Variants in ESR1 observed in about 807,000 individuals in gnomAD.
ESR1 encodes estrogen receptor 1, also known as estrogen receptor.
In ESR1, 12 loss-of-function variants were observed where a neutral mutation model predicts 52.7. The ratio of observed to expected loss-of-function variants is 0.23; its 90% CI spans 0.15 to 0.37. The LOEUF is 0.37. Among genes scored for constraint, ESR1 ranks in the 10% least tolerant of loss-of-function variants. The pLI is 1.00. For missense variants in ESR1, 584 were observed against 779.7 expected (o/e 0.75, Z 2.99); for synonymous variants, 305 against 316.8 (o/e 0.96, Z 0.39).
At chr6:151,964,875 C>T (rs938157723) in intron 4 of ESR1, among the ~76,000 whole-genome samples, 2 of 152,146 alleles carry the variant, frequency 1.3e-5, no homozygotes, top group African/African-American at 4.8e-5. Flanking sequence ...ATCTCCTGAC[C>T]TCGTGATCCA....
chr6:152,089,438 A>G (rs1012915823), intron 6 of ESR1, among the ~76,000 whole-genome samples: 1 of 152,232 alleles, frequency 6.6e-6, no homozygotes, highest in African/African-American at 2.4e-5. Context: ...AGCTGACATA[A>G]TACATTCAAT....
chr6:151,734,745 C>T (rs988615890), intron 2 of ESR1, among the ~76,000 whole-genome samples: 5 of 152,094 alleles, frequency 3.3e-5, no homozygotes, highest in African/African-American at 1.2e-4. Flanking sequence ...GCCTCAGCCT[C>T]CCGAGTAGCT....
At chr6:151,850,522 G>A (rs956708870) in intron 2 of ESR1, among the ~76,000 whole-genome samples, 1 of 151,874 alleles carries the variant, frequency 6.6e-6, no homozygotes, top group Non-Finnish European at 1.5e-5. Flanking sequence ...AAGATTGCTG[G>A]TGCCTAGGAA....
chr6:151,693,328 C>T (rs926919867), intron 1 of ESR1, among the ~76,000 whole-genome samples: 1 of 152,160 alleles, frequency 6.6e-6, no homozygotes. Flanking sequence ...GAAACTTGAT[C>T]TAAAAAGCAA....
At chr6:152,115,582 G>T (rs2051201021) in intron 6 of ESR1, among the ~76,000 whole-genome samples, 1 of 152,114 alleles carries the variant, frequency 6.6e-6, no homozygotes, top group African/African-American at 2.4e-5. Context: ...AAAAGAACCT[G>T]CCAGGTTTGA....
intron 6 of ESR1, among the ~76,000 whole-genome samples, chr6:152,084,704 G>GAAAA (rs34421368): frequency 3.3e-5 from 4 of 122,756 alleles, no homozygotes; most frequent in African/African-American, 1.1e-4. Context: ...GCTTTTAATT[G>GAAAA]AAAAAAAAAA....
chr6:151,725,014 C>A (rs192878126), intron 2 of ESR1, among the ~76,000 whole-genome samples: 2 of 152,264 alleles, frequency 1.3e-5, no homozygotes, highest in East Asian at 3.9e-4. Context: ...GGAACACATT[C>A]ATTGACATTC....
At chr6:151,862,296 G>T (rs575206761) in intron 2 of ESR1, among the ~76,000 whole-genome samples, 1 of 152,296 alleles carries the variant, frequency 6.6e-6, no homozygotes, top group African/African-American at 2.4e-5. Context: ...CCAAGGGAAA[G>T]GAGTGCTTCC....
At chr6:151,756,716 G>C (rs914202120) in intron 2 of ESR1, among the ~76,000 whole-genome samples, 1 of 152,216 alleles carries the variant, frequency 6.6e-6, no homozygotes, top group African/African-American at 2.4e-5. Flanking sequence ...TGGGCCGGGC[G>C]TGATGGCTCA....
chr6:151,734,074 C>A (rs1782455953), intron 2 of ESR1, among the ~76,000 whole-genome samples: 1 of 152,176 alleles, frequency 6.6e-6, no homozygotes, highest in East Asian at 1.9e-4. Context: ...GCCTGTAACA[C>A]CTCAGCTCAC....
Position 152,098,266 on chromosome 6 carries a change from C to T in ESR1, c.1554-466C>T, listed in dbSNP as rs1038716306. Reference sequence around the variant, plus strand: ...GTATTCTGAGTTAAATGGGAAGTGACGTGAGAGATTTAACAATGGAGCGTC... The same window carrying T: ...GTATTCTGAGTTAAATGGGAAGTGATGTGAGAGATTTAACAATGGAGCGTC... On this transcript the variant is annotated intron_variant, in intron 7 of 7. Coordinates refer to ENST00000206249, the MANE Select transcript of ESR1 (RefSeq NM_000125.4). This position sits in a 1 kb window ranked among gnomAD's most constrained non-coding sequence, Gnocchi z 5.1. Among the ~76,000 whole-genome samples, 7 of 152,076 alleles carry T rather than the reference C, an allele frequency of 4.6e-5. No individual in the cohort carries two copies. Among genetic ancestry groups the T allele is most frequent in the East Asian group, 1.9e-4 (1 of 5,168 alleles).
At chr6:151,665,917 T>G (rs1353776539) in intron 1 of ESR1, among the ~76,000 whole-genome samples, 1 of 152,230 alleles carries the variant, frequency 6.6e-6, no homozygotes, top group Non-Finnish European at 1.5e-5. Flanking sequence ...CCTAAATCTC[T>G]TAGACGGTTA....
chr6:151,858,870 AGAG>A (rs1788372224), intron 2 of ESR1, among the ~76,000 whole-genome samples: 1 of 152,246 alleles, frequency 6.6e-6, no homozygotes, highest in Admixed American at 6.5e-5. Context: ...AAGAAATAAC[AGAG>A]GAGACCAATT....
intron 1 of ESR1, among the ~76,000 whole-genome samples, chr6:151,840,898 A>C (rs1410321423): frequency 6.6e-6 from 1 of 152,144 alleles, no homozygotes; most frequent in African/African-American, 2.4e-5. Flanking sequence ...AGTGCCAACT[A>C]CATGCCAGGT....
chr6:151,701,885 A>G (rs987071349), exon 2 of ESR1: 7 of 152,200 alleles, frequency 4.6e-5, no homozygotes, highest in African/African-American at 1.7e-4. Flanking sequence ...GAAGAAGAAA[A>G]CTAGGAAGGA....
chr6:151,808,265 C>T lies in ESR1; in HGVS notation c.353C>T (p.Ser118Leu). ...CTACTGCACCCGCCGCCGCAGCTGT[C>T]GCCTTTCCTGCAGCCCCACGGCCAG... The part of the protein sequence containing the change: ...LMLLHPPPQL[S>L]PFLQPHGQQV... The change falls in exon 1 of 8, where the codon TCG becomes TTG. Residue 118 changes from serine to leucine, a missense_variant. Physicochemically the swap from Ser to Leu is moderately radical, Grantham distance 145. Coordinates refer to ENST00000206249, the MANE Select transcript of ESR1 (RefSeq NM_000125.4). 6.3e-7 allele frequency: 1 copy of T among 1,585,454 alleles called. No homozygotes were observed. The highest frequency in any genetic ancestry group is 1.3e-5 in the African/African-American group (1 of 74,660).
chr6:151,991,403 A>G (rs1041435969), intron 4 of ESR1, among the ~76,000 whole-genome samples: 8 of 152,140 alleles, frequency 5.3e-5, no homozygotes, highest in African/African-American at 1.2e-4. Context: ...ACATTTATTA[A>G]AAAGAGTTTC....
At chr6:151,782,425 A>T (rs1786634203) in intron 2 of ESR1, among the ~76,000 whole-genome samples, 1 of 152,024 alleles carries the variant, frequency 6.6e-6, no homozygotes. Flanking sequence ...GATTTATTTA[A>T]CCCTTTCCCC....
chr6:152,016,337 C>T, intron 5 of ESR1, among the ~76,000 whole-genome samples: 1 of 151,994 alleles, frequency 6.6e-6, no homozygotes, highest in Middle Eastern at 3.4e-3. Flanking sequence ...TGTATAAATA[C>T]ATATACATTT....
Sources: allele counts gnomAD v4.1 joint callset (sites outside exome capture counted in the v4.1 genomes callset), GRCh38; gene constraint gnomAD v4.1.1; non-coding constraint Gnocchi (gnomAD v3.1); transcripts MANE v1.5; gene names NCBI Gene and HGNC (gene_info 2026-07-23, HGNC 2026-07-21).